Variants in CTSB observed in about 807,000 individuals in gnomAD.
CTSB encodes APP secretase.
In CTSB, 57 loss-of-function variants were observed where a neutral mutation model predicts 44.3. That is an observed-to-expected ratio of 1.29 (90% CI 1.04 to 1.60). The LOEUF (loss-of-function observed/expected upper bound fraction) is 1.60, where lower values mean the gene tolerates loss of function less well. Ranked by LOEUF, CTSB falls within the 40% of genes most tolerant of loss-of-function variation. The pLI is 0.00. For synonymous variants in CTSB, 320 were observed against 168.0 expected, an observed-to-expected ratio of 1.91 and a Z score of -7.00; for missense variants, 768 against 443.0, an observed-to-expected ratio of 1.73 and a Z score of -6.59.
chr8:11,849,214 C>T, intron 4 of CTSB, 50 bp from the exon 5 acceptor site: 2 of 1,513,966 alleles, frequency 1.3e-6, no homozygotes, highest in South Asian at 2.3e-5. Context: ...GGGCTGGGCC[C>T]TCTGCAGCAG....
At chr8:11,854,593 T>TTCAAACAATTCTTGTG (rs71205034) in intron 1 of CTSB, 39,263 of 151,574 alleles carry the variant, frequency 0.26, 5,469 homozygotes, top group Middle Eastern at 0.33. Context: ...ACCTCCCAGG[T>TTCAAACAATTCTTGTG]TCTTAGCCTC....
intron 1 of CTSB, among the ~76,000 whole-genome samples, chr8:11,865,137 A>G (rs554172243): frequency 6.6e-6 from 1 of 151,990 alleles, no homozygotes; most frequent in Non-Finnish European, 1.5e-5. Flanking sequence ...CCTCCCCTAG[A>G]CTCAACTGCC....
intron 1 of CTSB, 85 bp from the exon 2 acceptor site, chr8:11,853,564 G>T: frequency 7.3e-7 from 1 of 1,376,662 alleles, no homozygotes; most frequent in South Asian, 1.4e-5. Context: ...TCGGGCATCA[G>T]TGGGGACCCC....
At position 11,842,687 on chromosome 8, in the gene CTSB, A is replaced by C. The variant is rs1218375955; in HGVS notation, c.*2438T>G. 1.3e-5 allele frequency: 2 copies of C among 151,388 alleles called. No homozygotes were observed. The highest frequency in any genetic ancestry group is 2.9e-5 in the Non-Finnish European group (2 of 67,964). The allele number at this position is 151,388 out of a possible 1,614,324, so 9.4% of individuals were successfully genotyped here. A position where few individuals can be genotyped will look rare whatever the true frequency, so the allele number is the denominator to read the frequency against. On this transcript the variant is annotated 3_prime_UTR_variant, in exon 10 of 10. Transcript: ENST00000353047. ...GATTCACTCTTGTCCCCCAGGCTGG[A>C]GTGCAATGGCGTGATCTCGGCTCAC... is the stretch of plus-strand genomic sequence containing the variant.
Position 11,843,630 on chromosome 8 carries a change from G to C in CTSB, c.*1495C>G, listed in dbSNP as rs1324186526. 6.6e-6 allele frequency: 1 copy of C among 152,250 alleles called. No individual in the cohort carries two copies. The highest frequency in any genetic ancestry group is 1.9e-4 in the East Asian group (1 of 5,198). The allele number at this position is 152,250 out of a possible 1,614,324, so 9.4% of individuals were successfully genotyped here. A position where few individuals can be genotyped will look rare whatever the true frequency, so the allele number is the denominator to read the frequency against. ...CCAAACCAAGGCTGGAGGGCATCCA[G>C]GGGGATGTGGTTCCCCACGGGGTAG... On this transcript the variant is annotated 3_prime_UTR_variant, in exon 10 of 10. Transcript: ENST00000353047.
intron 4 of CTSB, 47 bp from the exon 5 acceptor site, chr8:11,849,211 G>GCC (rs1814066677): frequency 6.6e-7 from 1 of 1,514,042 alleles, no homozygotes; most frequent in Non-Finnish European, 9.1e-7. Flanking sequence ...TCCGGGCTGG[G>GCC]CCCTCTGCAG....
At chr8:11,853,243 G>C (rs767888292) in intron 2 of CTSB, 86 bp downstream of exon 2, 3 of 1,549,000 alleles carry the variant, frequency 1.9e-6, no homozygotes, top group Non-Finnish European at 2.6e-6. Context: ...GTGGGCCACA[G>C]TGAGGGCTGG....
At chr8:11,848,427 G>C (rs779328876) in intron 5 of CTSB, 1 of 566,840 alleles carries the variant, frequency 1.8e-6, no homozygotes, top group Non-Finnish European at 3.3e-6. Flanking sequence ...CAGGCTACGA[G>C]TGCCCTTCCG....
intron 1 of CTSB, among the ~76,000 whole-genome samples, chr8:11,857,454 C>T (rs759573200): frequency 2.0e-5 from 3 of 152,166 alleles, no homozygotes; most frequent in Non-Finnish European, 2.9e-5. Flanking sequence ...ACAGCAGTGT[C>T]CTTGGATGTA....
At chr8:11,846,283 C>G (rs1342374918) in intron 8 of CTSB, 1 of 152,316 alleles carries the variant, frequency 6.6e-6, no homozygotes, top group Non-Finnish European at 1.5e-5. Flanking sequence ...GGCTGCCCAA[C>G]CAGGCTCTCG....
At chr8:11,864,910 CAAAA>C (rs1185835438) in intron 1 of CTSB, among the ~76,000 whole-genome samples, 4 of 134,976 alleles carry the variant, frequency 3.0e-5, no homozygotes, top group Non-Finnish European at 6.4e-5. Flanking sequence ...GAAACTGTCT[CAAAA>C]AAAAAAAGAA....
chr8:11,855,628 C>G (rs1815374039), intron 1 of CTSB, among the ~76,000 whole-genome samples: 1 of 152,208 alleles, frequency 6.6e-6, no homozygotes, highest in Non-Finnish European at 1.5e-5. Context: ...CAAAGCAGTA[C>G]TCACATATAC....
chr8:11,849,275 C>A, intron 4 of CTSB, 111 bp from the exon 5 acceptor site: 1 of 736,194 alleles, frequency 1.4e-6, no homozygotes, highest in South Asian at 1.6e-5. Context: ...CAACTGATCT[C>A]TCAACACCAG....
chr8:11,867,605 G>C (rs1050152385), intron 1 of CTSB: 1 of 152,242 alleles, frequency 6.6e-6, no homozygotes, highest in African/African-American at 2.4e-5. Context: ...CGGAGACACC[G>C]AGGCCCAGGC....
Position 11,847,702 on chromosome 8 carries a change from G to A in CTSB, c.653C>T (p.Thr218Ile). The A allele has an allele frequency of 1.3e-6, 2 of 1,581,422 alleles. No homozygotes were observed. The highest frequency in any genetic ancestry group is 2.3e-5 in the East Asian group (1 of 44,308). The change falls in exon 7 of 10, where the codon ACC becomes ATC. Residue 218 changes from threonine (T) to isoleucine (I), a missense_variant. By Grantham distance (89) the Thr-to-Ile change is moderately conservative. Coordinates refer to ENST00000353047, the MANE Select transcript of CTSB (RefSeq NM_001908.5). Reference sequence around the variant, plus strand: ...ACCGTAGTGCTTGTCCTGTTTGTAGGTCGGGCTGTAGCCAGGCTCACAGAT... The same window carrying A: ...ACCGTAGTGCTTGTCCTGTTTGTAGATCGGGCTGTAGCCAGGCTCACAGAT... ...SKICEPGYSP[T>I]YKQDKHYGYN...
rs186885924 is a variant in CTSB, at chr8:11,849,823, C to T, written c.328-659G>A. On this transcript the variant is annotated intron_variant, in intron 4 of 9. Coordinates refer to ENST00000353047, the MANE Select transcript of CTSB (RefSeq NM_001908.5). ...CTCAAACTCCTGACCTCAGGTGATCCGCCTGCCTCAGCCTCCCAAAGTGTT... is the reference window on the plus strand; with the variant it reads ...CTCAAACTCCTGACCTCAGGTGATCTGCCTGCCTCAGCCTCCCAAAGTGTT... Among the ~76,000 whole-genome samples the T allele has an allele frequency of 5.6e-3, 854 of 151,872 alleles. 4 individuals are homozygous for T. Among genetic ancestry groups the T allele is most frequent in the African/African-American group, 0.019 (794 of 41,404 alleles).
At chr8:11,845,466 G>C (rs937138717) in intron 9 of CTSB, among the ~76,000 whole-genome samples, 195 bp downstream of exon 9, 1 of 152,218 alleles carries the variant, frequency 6.6e-6, no homozygotes, top group Non-Finnish European at 1.5e-5. Flanking sequence ...TGCAGGCGTT[G>C]GCTCTGAAGC....
intron 9 of CTSB, among the ~76,000 whole-genome samples, 178 bp downstream of exon 9, chr8:11,845,483 G>C (rs1394067600): frequency 6.6e-6 from 1 of 152,206 alleles, no homozygotes; most frequent in African/African-American, 2.4e-5. Flanking sequence ...AAGCTGCTCA[G>C]AGTCTGCCCT....
At chr8:11,848,973 T>C in intron 5 of CTSB, 73 bp downstream of exon 5, 2 of 1,112,446 alleles carry the variant, frequency 1.8e-6, no homozygotes, top group Non-Finnish European at 1.4e-6. Context: ...GTCCTCAAAG[T>C]CCCCTCCACT....
Sources: allele counts gnomAD v4.1 joint callset (sites outside exome capture counted in the v4.1 genomes callset), GRCh38; gene constraint gnomAD v4.1.1; transcripts MANE v1.5; gene names NCBI Gene and HGNC (gene_info 2026-07-23, HGNC 2026-07-21).